Variants in TTLL10 observed in about 807,000 individuals in gnomAD.
TTLL10 encodes tubulin tyrosine ligase like 10.
In TTLL10, 61 loss-of-function variants were observed where a neutral mutation model predicts 69.0. The observed-to-expected ratio is 0.88, with a 90% confidence interval of 0.72 to 1.09. The LOEUF (loss-of-function observed/expected upper bound fraction) is 1.09. Among genes scored for constraint, TTLL10 ranks in the 50% least tolerant of loss-of-function variants. The pLI, the probability that TTLL10 is intolerant of heterozygous loss-of-function variation, is 0.00. For missense variants in TTLL10, 962 were observed against 945.9 expected (o/e 1.02, Z -0.22); for synonymous variants, 408 against 393.3 (o/e 1.04, Z -0.44).
chr1:1,180,744 G>A lies in TTLL10; in HGVS notation c.639G>A (p.Leu213=), dbSNP rs1407154713. The change falls in exon 8 of 16, where the codon CTG becomes CTA. Residue 213 remains leucine (L), a synonymous_variant. Transcript: ENST00000379289. ...TCTGACCTCCAGGAGAGCAGCTGCT[G>A]TACCAGCTTCCCAACAACAAGCTCC... ...YGSFREGEQL[L]YQLPNNKLLT... is the part of the protein sequence containing the mutation. 13 of 1,607,270 alleles carry A rather than the reference G, an allele frequency of 8.1e-6. No homozygotes were observed. Among genetic ancestry groups the A allele is most frequent in the East Asian group, 2.3e-5 (1 of 44,336 alleles).
chr1:1,196,414 G>A (rs1648212829), intron 13 of TTLL10, 186 bp from the exon 14 acceptor site: 7 of 599,218 alleles, frequency 1.2e-5, no homozygotes, highest in Non-Finnish European at 2.1e-5. Flanking sequence ...AGCTGCACGA[G>A]TTTGTTGAGT....
At chr1:1,191,301 A>G (rs551387079) in intron 13 of TTLL10, among the ~76,000 whole-genome samples, 5 of 152,286 alleles carry the variant, frequency 3.3e-5, no homozygotes, top group African/African-American at 1.2e-4. Flanking sequence ...AATTATTGAA[A>G]AATTATTGGA....
chr1:1,179,244 A>C lies in TTLL10; in HGVS notation c.29A>C (p.His10Pro). 1 of 1,549,448 alleles carries C rather than the reference A, an allele frequency of 6.5e-7. No homozygotes were observed. The highest frequency in any genetic ancestry group is 1.2e-5 in the South Asian group (1 of 83,836). Residue 10 changes from histidine to proline, a missense_variant, in exon 4 of 16, where the codon CAC (histidine) becomes CCC (proline). Physicochemically the swap from His to Pro is moderately conservative, Grantham distance 77. Coordinates refer to ENST00000379289, the MANE Select transcript of TTLL10 (RefSeq NM_001130045.2). ...GACCACAGCTGCACCCGGTTCATCC[A>C]CCGCCGGGGACCACCCACTCGGACC... MDHSCTRFI[H>P]RRGPPTRTRA...
Position 1,179,253 on chromosome 1 carries a change from G to T in TTLL10, c.38G>T (p.Gly13Val). 6.4e-7 allele frequency: 1 copy of T among 1,550,440 alleles called. No individual in the cohort carries two copies. The highest frequency in any genetic ancestry group is 2.0e-5 in the Admixed American group (1 of 50,892). Residue 13 changes from glycine (G) to valine (V), a missense_variant, in exon 4 of 16, where the codon GGA becomes GTA. Physicochemically the swap from Gly to Val is moderately radical, Grantham distance 109 (BLOSUM62 -3). Transcript: ENST00000379289. ...TGCACCCGGTTCATCCACCGCCGGG[G>T]ACCACCCACTCGGACCCGAGCCGGC... ...HSCTRFIHRR[G>V]PPTRTRAGFK... is the part of the protein sequence containing the mutation.
chr1:1,188,227 T>G (rs1647487000), intron 13 of TTLL10, among the ~76,000 whole-genome samples: 1 of 152,222 alleles, frequency 6.6e-6, no homozygotes, highest in Admixed American at 6.5e-5. Context: ...TTTATGCCAG[T>G]ACCACATGGT....
At chr1:1,176,114 C>T (rs1326649629) in intron 3 of TTLL10, 2 of 443,580 alleles carry the variant, frequency 4.5e-6, no homozygotes, top group Non-Finnish European at 8.9e-6. Context: ...CTCCCAGCCG[C>T]TGTGCAGGTG....
chr1:1,183,806 T>C, intron 11 of TTLL10, 114 bp from the exon 12 acceptor site: 1 of 1,393,712 alleles, frequency 7.2e-7, no homozygotes, highest in Non-Finnish European at 9.9e-7. Flanking sequence ...AGGTCACACC[T>C]GGGACAGAGG....
chr1:1,182,644 C>G (rs530676548), intron 10 of TTLL10, among the ~76,000 whole-genome samples, 198 bp downstream of exon 10: 1 of 151,966 alleles, frequency 6.6e-6, no homozygotes, highest in East Asian at 1.9e-4. Flanking sequence ...AGGGTCTGGC[C>G]TTCGTGGAGG....
chr1:1,194,944 G>A (rs1238469285), intron 13 of TTLL10, among the ~76,000 whole-genome samples: 2 of 152,012 alleles, frequency 1.3e-5, no homozygotes, highest in African/African-American at 2.4e-5. Flanking sequence ...ATTTGACAGT[G>A]TCCCACCCAC....
chr1:1,180,612 C>A lies in TTLL10; in HGVS notation c.625+11C>A. ...GCAGCTTCCGGGAAGGTAGCGGGAGCCGGCACCAGAGGCGGGCAGCCTGCA... is the reference window on the plus strand; with the variant it reads ...GCAGCTTCCGGGAAGGTAGCGGGAGACGGCACCAGAGGCGGGCAGCCTGCA... On this transcript the variant is annotated intron_variant, in intron 7 of 15. Coordinates refer to ENST00000379289, the MANE Select transcript of TTLL10 (RefSeq NM_001130045.2). The A allele has an allele frequency of 6.4e-7, 1 of 1,551,964 alleles. No homozygotes were observed. Among genetic ancestry groups the A allele is most frequent in the Non-Finnish European group, 8.7e-7 (1 of 1,147,464 alleles).
rs1235990679 is a variant in TTLL10 at position 1,182,886 on chromosome 1, A to G, written c.927A>G (p.Ile309Met). ...AFFTLFDETQ[I>M]WICKPTASNQ... is the part of the protein sequence containing the mutation. ...CCGCGCTCTCTGCAGAAACCCAGAT[A>G]TGGATCTGCAAGCCCACAGCCTCCA... The change falls in exon 11 of 16, where the codon ATA becomes ATG. Residue 309 changes from isoleucine to methionine, a missense_variant. Transcript: ENST00000379289. 6.3e-7 allele frequency: 1 copy of G among 1,584,900 alleles called. No homozygotes were observed.
At position 1,185,360 on chromosome 1, in the gene TTLL10, G is replaced by T. The variant is rs537523143; in HGVS notation, c.1401+251G>T. 3.7e-6 allele frequency: 5 copies of T among 1,350,474 alleles called. No individual in the cohort carries two copies. In the South Asian group the frequency reaches 7.5e-5, roughly 20 times the overall value. The allele number at this position is 1,350,474 out of a possible 1,614,324, so 83.7% of individuals were successfully genotyped here. On this transcript the variant is annotated intron_variant, in intron 13 of 15. Coordinates refer to ENST00000379289, the MANE Select transcript of TTLL10 (RefSeq NM_001130045.2). The surrounding 1 kb of genome is among the most constrained non-coding windows in gnomAD (Gnocchi z 6.1). ...TCTGTCGGCACGAGTCCCGCGGGCA[G>T]CCTCGCCGTAGGGTCAGGGGACAGC...
chr1:1,185,021 G>A lies in TTLL10; in HGVS notation c.1313G>A (p.Trp438Ter). 1.2e-6 allele frequency: 2 copies of A among 1,613,984 alleles called. No individual in the cohort carries two copies. Among genetic ancestry groups the A allele is most frequent in the Non-Finnish European group, 1.7e-6 (2 of 1,179,982 alleles). ...LYMLLKEHTV[W>*]SMEHLNRYIS... is the part of the protein sequence containing the mutation. ...ATGCTGCTGAAGGAGCACACGGTGT[G>A]GAGCATGGAACACCTCAACCGCTAC... Residue 438 changes from tryptophan (W) to a stop codon, truncating the protein, a stop_gained, in exon 13 of 16, where the codon TGG becomes TAG. Coordinates refer to ENST00000379289, the MANE Select transcript of TTLL10 (RefSeq NM_001130045.2). LOFTEE classifies it high-confidence loss of function. The surrounding 1 kb of genome is among the most constrained non-coding windows in gnomAD (Gnocchi z 6.1).
At chr1:1,183,847 G>T in intron 11 of TTLL10, 73 bp from the exon 12 acceptor site, 2 of 1,584,928 alleles carry the variant, frequency 1.3e-6, no homozygotes, top group Non-Finnish European at 1.7e-6. Flanking sequence ...ACAGGCCCGG[G>T]GTGGGGTGTG....
intron 3 of TTLL10, among the ~76,000 whole-genome samples, chr1:1,178,422 ATGG>A (rs1646938665): frequency 6.6e-6 from 1 of 152,056 alleles, no homozygotes; most frequent in Non-Finnish European, 1.5e-5. Flanking sequence ...TTAGCTGGGC[ATGG>A]TGGTGGGTGC....
chr1:1,183,234 A>G (rs1232015223), intron 11 of TTLL10, among the ~76,000 whole-genome samples, 187 bp downstream of exon 11: 1 of 152,140 alleles, frequency 6.6e-6, no homozygotes, highest in Non-Finnish European at 1.5e-5. Flanking sequence ...GGCCGGGGTC[A>G]CAGACACAGG....
chr1:1,191,040 G>A (rs763914971), intron 13 of TTLL10, among the ~76,000 whole-genome samples: 3 of 152,186 alleles, frequency 2.0e-5, no homozygotes, highest in Non-Finnish European at 2.9e-5. Flanking sequence ...ATGTTGGCCA[G>A]GCTGGTCTTG....
chr1:1,174,520 G>C (rs991799353), intron 3 of TTLL10, 31 bp downstream of exon 3: 1 of 152,250 alleles, frequency 6.6e-6, no homozygotes, highest in Non-Finnish European at 1.5e-5. Context: ...TTTATTGTAA[G>C]GTCGTGCACC....
At position 1,180,507 on chromosome 1, in the gene TTLL10, G is replaced by C; in HGVS notation, c.531G>C (p.Lys177Asn). ...GCATCAGCTCCTACTGCAAAAGCAA[G>C]GGCTGGCAGCGCATCCATGACAGCC... ...ATIISSYCKSKGWQRIHDSRR... is the reference protein window; with the variant it reads ...ATIISSYCKSNGWQRIHDSRR... Residue 177 changes from lysine to asparagine, a missense_variant, in exon 7 of 16, where the codon AAG (lysine) becomes AAC (asparagine). Physicochemically the swap from Lys to Asn is moderately conservative, Grantham distance 94. Coordinates refer to ENST00000379289, the MANE Select transcript of TTLL10 (RefSeq NM_001130045.2). The C allele has an allele frequency of 6.5e-7, 1 of 1,546,342 alleles. No homozygotes were observed. Among genetic ancestry groups the C allele is most frequent in the South Asian group, 1.2e-5 (1 of 83,810 alleles).
Sources: gnomAD v4.1 joint callset for allele counts (sites outside exome capture counted in the v4.1 genomes callset) on GRCh38, gnomAD v4.1.1 for gene constraint, Gnocchi (gnomAD v3.1) non-coding constraint, MANE v1.5 for transcripts, NCBI Gene and HGNC (gene_info 2026-07-23, HGNC 2026-07-21) for gene names.